DERPC: variants seen among roughly 807,000 people sequenced by gnomAD.
DERPC encodes decreased expression in renal and prostate cancer protein.
A neutral mutation model predicts 7.2 loss-of-function variants in DERPC; 1 was observed. That is an observed-to-expected ratio of 0.14 (90% CI 0.05 to 0.66). DERPC has a LOEUF of 0.66. DERPC is among the 30% of genes least tolerant of loss of function. DERPC has a pLI of 0.84. For missense variants in DERPC, 502 were observed against 299.4 expected (o/e 1.68, Z -4.99); for synonymous variants, 185 against 117.6 (o/e 1.57, Z -3.71).
At chr16:69,122,970 C>A (rs1961793358) in intron 1 of DERPC, among the ~76,000 whole-genome samples, 1 of 152,136 alleles carries the variant, frequency 6.6e-6, no homozygotes, top group Admixed American at 6.5e-5. Context: ...TTAGCCACCA[C>A]ACCCGGCCTT....
rs1264963926 is a variant in DERPC, at chr16:69,118,592, C to T, written c.*262G>A. 8.3e-6 allele frequency: 6 copies of T among 725,180 alleles called. No homozygotes were observed. Among genetic ancestry groups the T allele is most frequent in the African/African-American group, 1.7e-5 (1 of 57,498 alleles). The allele number at this position is 725,180 out of a possible 1,614,324, so 44.9% of individuals were successfully genotyped here. A position where few individuals can be genotyped will look rare whatever the true frequency, so the allele number is the denominator to read the frequency against. The stretch of plus-strand genomic sequence containing the variant: ...AAACAATGGGCAGAAAGCTGTGGGA[C>T]GAAAGCACAGCAGGCTTCTGGGAGG... On this transcript the variant is annotated 3_prime_UTR_variant, in exon 3 of 3. Transcript: ENST00000519520.
intron 1 of DERPC, among the ~76,000 whole-genome samples, chr16:69,129,262 C>G (rs1470000424): frequency 6.6e-6 from 1 of 151,520 alleles, no homozygotes; most frequent in Non-Finnish European, 1.5e-5. Flanking sequence ...AACCCCCTCT[C>G]CAGTAAAAAT....
At position 69,121,503 on chromosome 16, in the gene DERPC, GAA is replaced by G. The variant is rs754951477; in HGVS notation, c.-279-12_-279-11del. 12 of 1,526,236 alleles carry G rather than the reference GAA, an allele frequency of 7.9e-6. No homozygotes were observed. In the Admixed American group the frequency reaches 1.4e-4, roughly 18 times the overall value. The allele number at this position is 1,526,236 out of a possible 1,614,324, so 94.5% of individuals were successfully genotyped here. On this transcript the variant is annotated splice_polypyrimidine_tract_variant and intron_variant, in intron 1 of 2. Coordinates refer to ENST00000519520, the MANE Select transcript of DERPC (RefSeq NM_001002847.4). ...AGCAAGTGAAAACAAGCTGTAGAGAGAAAAAAAGAGATTTAGGGTAATAACAA... is the reference window on the plus strand; with the variant it reads ...AGCAAGTGAAAACAAGCTGTAGAGAGAAAAAGAGATTTAGGGTAATAACAA...
intron 1 of DERPC, among the ~76,000 whole-genome samples, chr16:69,127,780 T>C (rs1962183517): frequency 6.6e-6 from 1 of 151,554 alleles, no homozygotes; most frequent in South Asian, 2.1e-4. Flanking sequence ...CGGCAACTTT[T>C]TGTATTTTTA....
intron 1 of DERPC, among the ~76,000 whole-genome samples, chr16:69,124,593 T>C (rs934991512): frequency 6.6e-6 from 1 of 151,914 alleles, no homozygotes; most frequent in Admixed American, 6.6e-5. Context: ...CAGGCTGGTC[T>C]CGAACTTCTG....
chr16:69,119,178 A>G lies in DERPC; in HGVS notation c.1251T>C (p.Thr417=), dbSNP rs927332875. 1.4e-6 allele frequency: 1 copy of G among 702,942 alleles called. No individual in the cohort carries two copies. The highest frequency in any genetic ancestry group is 1.7e-5 in the African/African-American group (1 of 57,288). 43.5% of individuals were successfully genotyped at this position (702,942 alleles called of 1,614,324 possible). Reference sequence around the variant, plus strand: ...TAGTTGGACTTGGACCCTGCAGGCCAGTGGCCCTTGGGAAGTTAGCTGGGT... The same window carrying G: ...TAGTTGGACTTGGACCCTGCAGGCCGGTGGCCCTTGGGAAGTTAGCTGGGT... ...GPNPANFPRA[T]GLQGPSPTTF... The change falls in exon 3 of 3, where the codon ACT becomes ACC. Residue 417 remains threonine (T), a synonymous_variant. Transcript: ENST00000519520.
At position 69,120,398 on chromosome 16, in the gene DERPC, G is replaced by A. The variant is rs763325209; in HGVS notation, c.31C>T (p.Arg11Trp). Residue 11 changes from arginine (R) to tryptophan (W), a missense_variant, in exon 3 of 3, where the codon CGG becomes TGG. By Grantham distance (101) the Arg-to-Trp change is moderately radical. Coordinates refer to ENST00000519520, the MANE Select transcript of DERPC (RefSeq NM_001002847.4). The surrounding 1 kb of genome is among the most constrained non-coding windows in gnomAD (Gnocchi z 4.0). The stretch of plus-strand genomic sequence containing the variant: ...GGAGCACGAGTCCAAGGAGTTGGCC[G>A]CTCTCTAGGGAAAATCCGAGGTTCT... MKEPRIFPRE[R>W]PTPWTRAPLP... The A allele has an allele frequency of 1.2e-6, 2 of 1,609,188 alleles. No individual in the cohort carries two copies. Among genetic ancestry groups the A allele is most frequent in the South Asian group, 1.1e-5 (1 of 90,964 alleles).
chr16:69,125,446 C>G lies in DERPC; in HGVS notation c.-279-3953G>C, dbSNP rs80147801. 4.9e-3 allele frequency among the ~76,000 whole-genome samples: 743 copies of G among 151,962 alleles called. 3 individuals are homozygous for G. The highest frequency in any genetic ancestry group is 0.017 in the African/African-American group (724 of 41,418). On this transcript the variant is annotated intron_variant, in intron 1 of 2. Coordinates refer to ENST00000519520, the MANE Select transcript of DERPC (RefSeq NM_001002847.4). Reference sequence around the variant, plus strand: ...GTGACAGAGTAGAAATCTGGGCCATCTGACTATCTACACTCATAATCACTA... The same window carrying G: ...GTGACAGAGTAGAAATCTGGGCCATGTGACTATCTACACTCATAATCACTA...
In DERPC at chr16:69,120,576, A is replaced by C; in HGVS notation, c.-148T>G. On this transcript the variant is annotated 5_prime_UTR_variant, in exon 3 of 3. Transcript: ENST00000519520. This position sits in a 1 kb window ranked among gnomAD's most constrained non-coding sequence, Gnocchi z 4.0. Reference sequence around the variant, plus strand: ...ATCCCCAGGAGTGTGTTTGACAAGGACTGCAAAAGGTTTCTCCAGGTGGAT... The same window carrying C: ...ATCCCCAGGAGTGTGTTTGACAAGGCCTGCAAAAGGTTTCTCCAGGTGGAT... 6.2e-7 allele frequency: 1 copy of C among 1,614,044 alleles called. No individual in the cohort carries two copies. The highest frequency in any genetic ancestry group is 8.5e-7 in the Non-Finnish European group (1 of 1,179,990).
intron 1 of DERPC, among the ~76,000 whole-genome samples, chr16:69,128,324 C>T (rs577283306): frequency 8.5e-5 from 13 of 152,306 alleles, no homozygotes; most frequent in African/African-American, 2.9e-4. Flanking sequence ...CAGGGAGAGA[C>T]TTCTGTGATG....
chr16:69,119,319 G>C lies in DERPC; in HGVS notation c.1110C>G (p.Ala370=). ...CCAATGTGCCAGAAGACTGAGAAAA[G>C]GCAGATGAACCTGCTCCCCTGGGAA... ...NPFPRGAGSS[A]FSQSSGTLAS... The change falls in exon 3 of 3, where the codon GCC becomes GCG. Residue 370 remains alanine, a synonymous_variant. Coordinates refer to ENST00000519520, the MANE Select transcript of DERPC (RefSeq NM_001002847.4). 8.5e-6 allele frequency: 6 copies of C among 703,106 alleles called. No individual in the cohort carries two copies. Among genetic ancestry groups the C allele is most frequent in the Non-Finnish European group, 1.6e-5 (6 of 385,036 alleles). 43.6% of individuals were successfully genotyped at this position (703,106 alleles called of 1,614,324 possible).
rs770376262 is a variant in DERPC at position 69,119,375 on chromosome 16, C to G, written c.1054G>C (p.Val352Leu). ...GPNSAHFSRP[V>L]GPMGVNANPF... Reference sequence around the variant, plus strand: ...TTGGCATTTACCCCCATGGGGCCAACTGGCCTTGAGAAATGAGCTGAATTA... The same window carrying G: ...TTGGCATTTACCCCCATGGGGCCAAGTGGCCTTGAGAAATGAGCTGAATTA... Residue 352 changes from valine (V) to leucine (L), a missense_variant, in exon 3 of 3, where the codon GTT (valine) becomes CTT (leucine). Transcript: ENST00000519520. 179 of 702,886 alleles carry G rather than the reference C, an allele frequency of 2.5e-4. No individual in the cohort carries two copies. The highest frequency in any genetic ancestry group is 4.2e-4 in the Non-Finnish European group (163 of 384,978). 43.5% of individuals were successfully genotyped at this position (702,886 alleles called of 1,614,324 possible).
intron 1 of DERPC, among the ~76,000 whole-genome samples, chr16:69,126,932 C>A (rs1362554315): frequency 6.6e-6 from 1 of 152,142 alleles, no homozygotes; most frequent in Non-Finnish European, 1.5e-5. Flanking sequence ...GTATATATTT[C>A]ATTCAGTGTA....
rs1567585289 is a variant in DERPC, at chr16:69,118,488, G to GT, written c.*365_*366insA. On this transcript the variant is annotated 3_prime_UTR_variant, in exon 3 of 3. Transcript: ENST00000519520. ...GCTGATTCTCCAATGGTGAGCAGGG[G>GT]ACTACATGTGAACTGGGACCTGCAG... is the stretch of plus-strand genomic sequence containing the variant. 1.5e-6 allele frequency: 2 copies of GT among 1,353,232 alleles called. No individual in the cohort carries two copies. The highest frequency in any genetic ancestry group is 2.1e-6 in the Non-Finnish European group (2 of 941,522). 83.8% of individuals were successfully genotyped at this position (1,353,232 alleles called of 1,614,324 possible).
chr16:69,123,925 T>TAA (rs757493986), intron 1 of DERPC, among the ~76,000 whole-genome samples: 1,041 of 76,820 alleles, frequency 0.014, 16 homozygotes, highest in South Asian at 0.036. Flanking sequence ...CCATCTCTAC[T>TAA]AAAAAAAAAA....
In DERPC at chr16:69,120,512, C is replaced by G; in HGVS notation, c.-84G>C. 3.1e-6 allele frequency: 5 copies of G among 1,614,094 alleles called. No individual in the cohort carries two copies. The highest frequency in any genetic ancestry group is 4.2e-6 in the Non-Finnish European group (5 of 1,180,018). On this transcript the variant is annotated 5_prime_UTR_variant, in exon 3 of 3. Transcript: ENST00000519520. This position sits in a 1 kb window ranked among gnomAD's most constrained non-coding sequence, Gnocchi z 4.0. The stretch of plus-strand genomic sequence containing the variant: ...CTTTGATGAGTGCTGTCACCAGGTA[C>G]CGGGTGCCAGTCTCGCGGCCAAGCT...
Position 69,130,784 on chromosome 16 carries a change from ATAT to A in DERPC, c.-280+1697_-280+1699del. ...TGTCTTAATACTACACTGTGTTAGC[ATAT>A]TAATGTTTATAACGGACTAAAGCAT... On this transcript the variant is annotated intron_variant, in intron 1 of 2. Transcript: ENST00000519520. Among the ~76,000 whole-genome samples, 3 of 152,368 alleles carry A rather than the reference ATAT, an allele frequency of 2.0e-5. No homozygotes were observed. In the East Asian group the frequency reaches 5.8e-4, roughly 29 times the overall value.
rs539698502 is a variant in DERPC, at chr16:69,120,303, G to T, written c.126C>A (p.His42Gln). 2 of 898,108 alleles carry T rather than the reference G, an allele frequency of 2.2e-6. No homozygotes were observed. The highest frequency in any genetic ancestry group is 1.6e-5 in the African/African-American group (1 of 61,168). The allele number at this position is 898,108 out of a possible 1,614,324, so 55.6% of individuals were successfully genotyped here. Residue 42 changes from histidine (H) to glutamine (Q), a missense_variant, in exon 3 of 3, where the codon CAC becomes CAA. Coordinates refer to ENST00000519520, the MANE Select transcript of DERPC (RefSeq NM_001002847.4). This position sits in a 1 kb window ranked among gnomAD's most constrained non-coding sequence, Gnocchi z 4.0. ...AGGGATCCGAGTTCACACCCAGTGG[G>T]TGGCCTGTGTTCAGAACAGGACCCC... ...PQGGPVLNTG[H>Q]PLGVNSDPFL...
chr16:69,121,342 T>G (rs1961640327), intron 2 of DERPC, 94 bp downstream of exon 2: 8 of 1,259,552 alleles, frequency 6.4e-6, no homozygotes, highest in Non-Finnish European at 9.0e-6. Context: ...TTGTACAAGA[T>G]GCACCTAAGG....
Sources: gnomAD v4.1 joint callset for allele counts (sites outside exome capture counted in the v4.1 genomes callset) on GRCh38, gnomAD v4.1.1 for gene constraint, Gnocchi (gnomAD v3.1) non-coding constraint, MANE v1.5 for transcripts, NCBI Gene and HGNC (gene_info 2026-07-23, HGNC 2026-07-21) for gene names.